CACNA1E: variants seen among roughly 807,000 people sequenced by gnomAD.
CACNA1E encodes the protein voltage-dependent R-type calcium channel subunit alpha-1E.
Under a neutral mutation model 259.2 loss-of-function variants are expected in CACNA1E, and 40 were observed. That is an observed-to-expected ratio of 0.15 (90% CI 0.12 to 0.20). The LOEUF (loss-of-function observed/expected upper bound fraction) is 0.20. CACNA1E is among the 10% of genes least tolerant of loss of function. The probability of loss-of-function intolerance (pLI) is 1.00; values close to 1 mark genes in which losing one functional copy is unlikely to be tolerated. For missense variants in CACNA1E, 1,874 were observed against 3,040.1 expected (o/e 0.62, Z 9.02); for synonymous variants, 1,104 against 1,138.5 (o/e 0.97, Z 0.61).
At chr1:181,755,930 C>T (rs372642373) in intron 28 of CACNA1E, 26 bp from the exon 29 acceptor site, 2 of 1,607,994 alleles carry the variant, frequency 1.2e-6, no homozygotes, top group Admixed American at 1.7e-5. Flanking sequence ...TGAGGAGGCT[C>T]TCTTTCATTT....
intron 6 of CACNA1E, among the ~76,000 whole-genome samples, chr1:181,607,135 C>T (rs142132379): frequency 2.6e-5 from 4 of 152,234 alleles, no homozygotes; most frequent in South Asian, 4.2e-4. Flanking sequence ...GATGGTCCAT[C>T]GTAGAGGTTG....
intron 6 of CACNA1E, among the ~76,000 whole-genome samples, chr1:181,604,878 C>G (rs1654081518): frequency 6.6e-6 from 1 of 152,142 alleles, no homozygotes; most frequent in Non-Finnish European, 1.5e-5. Context: ...AATCTTTTAT[C>G]CCTTTCTAAG....
rs1156650655 is a variant in CACNA1E, at chr1:181,758,060, G to A, written c.4443G>A (p.Glu1481=). 2 of 1,613,768 alleles carry A rather than the reference G, an allele frequency of 1.2e-6. No homozygotes were observed. Among genetic ancestry groups the A allele is most frequent in the Non-Finnish European group, 1.7e-6 (2 of 1,179,854 alleles). The change falls in exon 31 of 48, where the codon GAG becomes GAA. Residue 1481 remains glutamate, a synonymous_variant. Coordinates refer to ENST00000367573, the MANE Select transcript of CACNA1E (RefSeq NM_001205293.3). The surrounding 1 kb of genome is among the most constrained non-coding windows in gnomAD (Gnocchi z 4.2). ...VWHFVVSPSF[E]YTIMAMIALN... is the part of the protein sequence containing the mutation. ...ACTTTGTGGTGTCTCCGTCCTTTGAGTACACCATTATGGCCATGATCGCCT... is the reference window on the plus strand; with the variant it reads ...ACTTTGTGGTGTCTCCGTCCTTTGAATACACCATTATGGCCATGATCGCCT...
chr1:181,326,162 T>C (rs1476702084), intron 1 of CACNA1E, among the ~76,000 whole-genome samples: 1 of 152,378 alleles, frequency 6.6e-6, no homozygotes, highest in East Asian at 1.9e-4. Context: ...AGTTATATTG[T>C]ATGTACAGCT....
intron 18 of CACNA1E, among the ~76,000 whole-genome samples, chr1:181,726,771 A>G (rs1232523112): frequency 1.3e-5 from 2 of 152,064 alleles, no homozygotes; most frequent in African/African-American, 4.8e-5. Flanking sequence ...TAGGGGCCAG[A>G]GTGGAGGCAG....
chr1:181,418,358 G>T (rs1658440436), intron 2 of CACNA1E, among the ~76,000 whole-genome samples: 1 of 152,080 alleles, frequency 6.6e-6, no homozygotes, highest in South Asian at 2.1e-4. Context: ...TCTCTTGCTA[G>T]TTTCCACTTC....
At chr1:181,754,890 C>T (rs888101641) in intron 27 of CACNA1E, among the ~76,000 whole-genome samples, 12 of 152,180 alleles carry the variant, frequency 7.9e-5, no homozygotes, top group Non-Finnish European at 1.5e-4. Flanking sequence ...CTCAAATATT[C>T]CTTCCAGCTA....
intron 8 of CACNA1E, among the ~76,000 whole-genome samples, chr1:181,715,076 G>A (rs1175653640): frequency 6.6e-6 from 1 of 152,080 alleles, no homozygotes; most frequent in Admixed American, 6.5e-5. Context: ...CTTCTCACAG[G>A]TATCCTCCTG....
intron 25 of CACNA1E, among the ~76,000 whole-genome samples, chr1:181,741,282 C>G (rs1308084260): frequency 6.6e-6 from 1 of 152,186 alleles, no homozygotes. Context: ...AGCCCCTCTA[C>G]TTTCCAGCTT....
chr1:181,565,070 CT>C (rs1558132450), intron 3 of CACNA1E, among the ~76,000 whole-genome samples: 1 of 152,130 alleles, frequency 6.6e-6, no homozygotes, highest in African/African-American at 2.4e-5. Flanking sequence ...TTGGTGTCAC[CT>C]TAAGTCACTA....
chr1:181,533,617 C>CA (rs1667944260), intron 3 of CACNA1E, among the ~76,000 whole-genome samples: 2 of 151,622 alleles, frequency 1.3e-5, no homozygotes, highest in South Asian at 4.2e-4. Context: ...ACTAACTTGT[C>CA]AAAATCTTCA....
At position 181,761,970 on chromosome 1, in the gene CACNA1E, T is replaced by C. The variant is rs140588356; in HGVS notation, c.4606-604T>C. 5.1e-3 allele frequency among the ~76,000 whole-genome samples: 781 copies of C among 152,362 alleles called. 2 individuals carry two copies. Among genetic ancestry groups the C allele is most frequent in the African/African-American group, 6.2e-3 (258 of 41,584 alleles). ...GTGGAAAGATGAAGTCTATTTATCC[T>C]ATTACCAATCAGTAGTTGGTTTGAA... On this transcript the variant is annotated intron_variant, in intron 32 of 47. Coordinates refer to ENST00000367573, the MANE Select transcript of CACNA1E (RefSeq NM_001205293.3).
chr1:181,590,731 G>A (rs1416579319), intron 6 of CACNA1E, among the ~76,000 whole-genome samples: 1 of 152,134 alleles, frequency 6.6e-6, no homozygotes, highest in East Asian at 1.9e-4. Context: ...TTGAATTTCT[G>A]TTCTCCTGAG....
chr1:181,358,228 G>A (rs1243748944), intron 1 of CACNA1E, among the ~76,000 whole-genome samples: 1 of 152,136 alleles, frequency 6.6e-6, no homozygotes, highest in Non-Finnish European at 1.5e-5. Flanking sequence ...AATTTCAGGG[G>A]GACCAGGCTA....
intron 36 of CACNA1E, 149 bp from the exon 37 acceptor site, chr1:181,771,917 A>G (rs562887910): frequency 3.0e-5 from 20 of 664,026 alleles, no homozygotes; most frequent in Non-Finnish European, 5.1e-5. Context: ...TTATCTCTGC[A>G]TGGAAAGCAC....
At chr1:181,531,939 C>T (rs987366464) in intron 3 of CACNA1E, among the ~76,000 whole-genome samples, 1 of 152,180 alleles carries the variant, frequency 6.6e-6, no homozygotes, top group African/African-American at 2.4e-5. Context: ...ACCTGTAATC[C>T]CAGCTACTCA....
chr1:181,738,529 G>A, intron 24 of CACNA1E, 103 bp downstream of exon 24: 2 of 896,536 alleles, frequency 2.2e-6, no homozygotes, highest in Non-Finnish European at 3.7e-6. Flanking sequence ...ACCAGCCAAT[G>A]GCAGCCCTCA....
intron 6 of CACNA1E, among the ~76,000 whole-genome samples, chr1:181,584,800 A>G (rs1651890322): frequency 6.6e-6 from 1 of 152,188 alleles, no homozygotes; most frequent in African/African-American, 2.4e-5. Flanking sequence ...ATTATAGTAG[A>G]ACTACTCAAA....
intron 11 of CACNA1E, 103 bp downstream of exon 11, chr1:181,717,405 T>A (rs1654000782): frequency 2.2e-6 from 2 of 914,386 alleles, no homozygotes; most frequent in Non-Finnish European, 1.8e-6. Context: ...TAGGAAAGGT[T>A]CTACCTCTTC....
Sources: allele counts gnomAD v4.1 joint callset (sites outside exome capture counted in the v4.1 genomes callset), GRCh38; gene constraint gnomAD v4.1.1; non-coding constraint Gnocchi (gnomAD v3.1); transcripts MANE v1.5; gene names NCBI Gene and HGNC (gene_info 2026-07-23, HGNC 2026-07-21).